The following LRMDA variants were observed in gnomAD, a reference collection of about 807,000 sequenced individuals.
The protein encoded by LRMDA is leucine rich melanocyte differentiation associated, also known as leucine-rich melanocyte differentiation-associated protein.
In LRMDA, 18 loss-of-function variants were observed where a neutral mutation model predicts 29.8. The observed-to-expected ratio is 0.60, with a 90% CI of 0.42 to 0.90. The LOEUF is 0.90. Among genes scored for constraint, LRMDA ranks in the 40% least tolerant of loss-of-function variants. LRMDA has a pLI of 0.00. For missense variants in LRMDA, 273 were observed against 273.9 expected, an observed-to-expected ratio of 1.00 and a Z score of 0.02; for synonymous variants, 125 against 109.4, an observed-to-expected ratio of 1.14 and a Z score of -0.89.
At chr10:75,812,059 G>A (rs1170850558) in intron 2 of LRMDA, among the ~76,000 whole-genome samples, 3 of 146,820 alleles carry the variant, frequency 2.0e-5, no homozygotes, top group Admixed American at 1.4e-4. Flanking sequence ...ATTAAAAGTC[G>A]ATGATGACCT....
intron 2 of LRMDA, among the ~76,000 whole-genome samples, chr10:75,784,201 C>T (rs1414831414): frequency 6.6e-6 from 1 of 152,202 alleles, no homozygotes; most frequent in Non-Finnish European, 1.5e-5. Flanking sequence ...AGATCTTCCG[C>T]TTAATGGCTA....
At chr10:75,884,308 T>C (rs894096263) in intron 2 of LRMDA, among the ~76,000 whole-genome samples, 56 of 142,342 alleles carry the variant, frequency 3.9e-4, no homozygotes, top group African/African-American at 1.4e-3. Flanking sequence ...AGGGGATGTT[T>C]TCATGTGAGC....
chr10:75,984,571 G>A (rs993080663), intron 2 of LRMDA, among the ~76,000 whole-genome samples: 1 of 152,244 alleles, frequency 6.6e-6, no homozygotes, highest in Non-Finnish European at 1.5e-5. Flanking sequence ...AGCAGATAGT[G>A]TTTACCTCTT....
chr10:75,836,996 C>A (rs1056611324), intron 2 of LRMDA, among the ~76,000 whole-genome samples: 1 of 152,120 alleles, frequency 6.6e-6, no homozygotes, highest in African/African-American at 2.4e-5. Context: ...AAATATCTAA[C>A]TGTACATGTA....
At chr10:75,751,281 G>T (rs1842965509) in intron 2 of LRMDA, among the ~76,000 whole-genome samples, 2 of 151,992 alleles carry the variant, frequency 1.3e-5, no homozygotes, top group South Asian at 2.1e-4. Flanking sequence ...TCCAGCCTCG[G>T]CTCGGCATCA....
At chr10:75,725,867 G>C (rs560253748) in intron 2 of LRMDA, among the ~76,000 whole-genome samples, 1 of 152,236 alleles carries the variant, frequency 6.6e-6, no homozygotes, top group African/African-American at 2.4e-5. Flanking sequence ...GCAAAACTTA[G>C]GAGACATTTC....
intron 2 of LRMDA, among the ~76,000 whole-genome samples, chr10:75,856,315 T>C (rs925458732): frequency 2.0e-5 from 3 of 152,176 alleles, no homozygotes; most frequent in Non-Finnish European, 2.9e-5. Context: ...GTATTTTATT[T>C]TCTTTGAAGC....
chr10:76,465,365 T>G lies in LRMDA; in HGVS notation c.602-91844T>G, dbSNP rs143911072. 2.0e-4 allele frequency among the ~76,000 whole-genome samples: 31 copies of G among 152,300 alleles called. No homozygotes were observed. In the East Asian group the frequency reaches 5.6e-3, roughly 28 times the overall value. ...GTGTGTGTCATTTCCTTTCTGTAAGTACTCTAGTCCTCCCAGGAGCAGCCT... is the reference window on the plus strand; with the variant it reads ...GTGTGTGTCATTTCCTTTCTGTAAGGACTCTAGTCCTCCCAGGAGCAGCCT... On this transcript the variant is annotated intron_variant, in intron 6 of 6. Coordinates refer to ENST00000611255, the MANE Select transcript of LRMDA (RefSeq NM_001305581.2).
At chr10:75,980,780 A>C (rs916903764) in intron 2 of LRMDA, among the ~76,000 whole-genome samples, 3 of 152,108 alleles carry the variant, frequency 2.0e-5, no homozygotes, top group Non-Finnish European at 4.4e-5. Flanking sequence ...ATTGAATTTC[A>C]CTTTCCTATT....
intron 5 of LRMDA, among the ~76,000 whole-genome samples, chr10:76,173,194 A>G (rs145170892): frequency 0.01 from 1,549 of 152,350 alleles, 17 homozygotes; most frequent in Non-Finnish European, 0.014. Context: ...TGAACCTGAA[A>G]CTATCGCAAT....
At chr10:75,483,567 T>C (rs59340969) in intron 2 of LRMDA, among the ~76,000 whole-genome samples, 1,831 of 152,336 alleles carry the variant, frequency 0.012, 44 homozygotes, top group African/African-American at 0.041. Flanking sequence ...TAAAACAGGA[T>C]TAATACCTAC....
intron 2 of LRMDA, among the ~76,000 whole-genome samples, chr10:75,462,548 A>C (rs1432423817): frequency 6.6e-6 from 1 of 152,212 alleles, no homozygotes; most frequent in African/African-American, 2.4e-5. Context: ...AACTATCTGG[A>C]GGAAGTCCTT....
chr10:76,307,410 C>T (rs1009195553), intron 5 of LRMDA, among the ~76,000 whole-genome samples: 1 of 152,160 alleles, frequency 6.6e-6, no homozygotes, highest in Non-Finnish European at 1.5e-5. Flanking sequence ...TGAGGGGCTC[C>T]TGAAGACTTA....
intron 6 of LRMDA, among the ~76,000 whole-genome samples, chr10:76,554,420 T>A (rs1843529772): frequency 1.3e-5 from 2 of 152,210 alleles, no homozygotes; most frequent in Non-Finnish European, 2.9e-5. Context: ...CTTTTGTCGT[T>A]AATGCACTTG....
chr10:76,538,407 A>AT lies in LRMDA; in HGVS notation c.602-18798dup, dbSNP rs1345618376. On this transcript the variant is annotated intron_variant, in intron 6 of 6. Coordinates refer to ENST00000611255, the MANE Select transcript of LRMDA (RefSeq NM_001305581.2). ...TACCAAAAAGTAGCTGAGTTTATTG[A>AT]TTTTATTTTTGCTTGTTGCATTTTT... is the stretch of plus-strand genomic sequence containing the variant. Among the ~76,000 whole-genome samples, 495 of 146,498 alleles carry AT rather than the reference A, an allele frequency of 3.4e-3. 6 individuals are homozygous for AT. The highest frequency in any genetic ancestry group is 0.012 in the African/African-American group (466 of 39,924).
chr10:75,754,060 C>T (rs1333326489), intron 2 of LRMDA, among the ~76,000 whole-genome samples: 3 of 152,146 alleles, frequency 2.0e-5, no homozygotes, highest in Non-Finnish European at 4.4e-5. Flanking sequence ...TGTCATTGTG[C>T]CTGGATTTTA....
intron 2 of LRMDA, among the ~76,000 whole-genome samples, chr10:75,991,731 GT>G (rs964987476): frequency 6.6e-6 from 1 of 152,142 alleles, no homozygotes; most frequent in African/African-American, 2.4e-5. Flanking sequence ...GTTTTTGTTT[GT>G]TTGTTTGTTT....
At chr10:76,387,338 A>G (rs1841671011) in intron 6 of LRMDA, among the ~76,000 whole-genome samples, 1 of 152,200 alleles carries the variant, frequency 6.6e-6, no homozygotes, top group Non-Finnish European at 1.5e-5. Flanking sequence ...ATAGTGGCTC[A>G]TGCCTATAAC....
chr10:75,892,674 A>G (rs987085079), intron 2 of LRMDA, among the ~76,000 whole-genome samples: 4 of 152,136 alleles, frequency 2.6e-5, no homozygotes, highest in Non-Finnish European at 4.4e-5. Flanking sequence ...CTCATCTCAA[A>G]GTTCTGCCTC....
Sources: allele counts gnomAD v4.1 joint callset (sites outside exome capture counted in the v4.1 genomes callset), GRCh38; gene constraint gnomAD v4.1.1; transcripts MANE v1.5; gene names NCBI Gene and HGNC (gene_info 2026-07-23, HGNC 2026-07-21).